Variants in GALNT13 observed in about 807,000 individuals in gnomAD.
The protein encoded by GALNT13 is UDP-GalNAc:polypeptide N-acetylgalactosaminyltransferase 13.
In GALNT13, 28 loss-of-function variants were observed where a neutral mutation model predicts 64.2. The observed-to-expected ratio is 0.44, with a 90% CI of 0.32 to 0.60. The LOEUF is 0.60. Among genes scored for constraint, GALNT13 ranks in the 20% least tolerant of loss-of-function variants. The probability of loss-of-function intolerance (pLI) is 0.05; values close to 1 mark genes in which losing one functional copy is unlikely to be tolerated. For synonymous variants in GALNT13, 214 were observed against 224.6 expected, an observed-to-expected ratio of 0.95 and a Z score of 0.42; for missense variants, 577 against 669.8, an observed-to-expected ratio of 0.86 and a Z score of 1.53.
intron 9 of GALNT13, among the ~76,000 whole-genome samples, chr2:154,347,256 G>T (rs902553302): frequency 6.6e-6 from 1 of 151,944 alleles, no homozygotes; most frequent in Non-Finnish European, 1.5e-5. Context: ...GCTATTGCCC[G>T]TTTATTTGTC....
chr2:153,803,889 G>A, the GALNT13 span, among the ~76,000 whole-genome samples: 326 of 152,120 alleles, frequency 2.1e-3, 1 homozygote, highest in African/African-American at 7.4e-3. Context: ...ATAACTGTGA[G>A]AAATAAATTT....
At chr2:153,932,362 C>T (rs1470574277) in intron 2 of GALNT13, among the ~76,000 whole-genome samples, 8 of 151,524 alleles carry the variant, frequency 5.3e-5, no homozygotes, top group African/African-American at 1.9e-4. Flanking sequence ...TTACTCGTTC[C>T]TTTAGGAGTG....
chr2:154,123,762 A>T (rs1427234397), intron 3 of GALNT13, among the ~76,000 whole-genome samples: 2 of 152,046 alleles, frequency 1.3e-5, no homozygotes, highest in African/African-American at 2.4e-5. Flanking sequence ...GAGGGAAGGG[A>T]ATCAGGCACA....
the GALNT13 span, among the ~76,000 whole-genome samples, chr2:153,115,798 C>A: frequency 6.6e-6 from 1 of 152,092 alleles, no homozygotes; most frequent in Non-Finnish European, 1.5e-5. Context: ...GTAAAAAAAT[C>A]TAAAGATGAC....
chr2:153,629,867 C>A, the GALNT13 span, among the ~76,000 whole-genome samples: 2,600 of 147,974 alleles, frequency 0.018, 84 homozygotes, highest in African/African-American at 0.064. Flanking sequence ...CAAAAAAAGA[C>A]ATTTATGCAG....
At chr2:153,881,159 T>C (rs868639527) in intron 1 of GALNT13, among the ~76,000 whole-genome samples, 3 of 152,312 alleles carry the variant, frequency 2.0e-5, no homozygotes, top group African/African-American at 7.2e-5. Context: ...AGTTGGCAGG[T>C]GGCAGGCCAT....
At chr2:153,581,200 ACT>A in the GALNT13 span, among the ~76,000 whole-genome samples, 1 of 151,780 alleles carries the variant, frequency 6.6e-6, no homozygotes, top group Admixed American at 6.6e-5. Flanking sequence ...GAGGAAAAAG[ACT>A]CTTTCTCTAG....
intron 3 of GALNT13, among the ~76,000 whole-genome samples, chr2:154,031,871 T>C (rs963793947): frequency 6.6e-6 from 1 of 151,736 alleles, no homozygotes; most frequent in African/African-American, 2.4e-5. Flanking sequence ...AGGAAATGAG[T>C]AAGTATAAAG....
intron 4 of GALNT13, among the ~76,000 whole-genome samples, chr2:154,150,262 A>G (rs1683906607): frequency 2.0e-5 from 3 of 152,186 alleles, no homozygotes; most frequent in Admixed American, 2.0e-4. Flanking sequence ...CCAGCCTTGC[A>G]TCCCAGGGAT....
At chr2:153,284,380 C>A in the GALNT13 span, among the ~76,000 whole-genome samples, 1 of 152,158 alleles carries the variant, frequency 6.6e-6, no homozygotes, top group East Asian at 1.9e-4. Flanking sequence ...CTGCCCCACT[C>A]CAGAGCAGGC....
the GALNT13 span, among the ~76,000 whole-genome samples, chr2:153,136,593 CCTGTA>C: frequency 1.3e-5 from 2 of 151,988 alleles, no homozygotes; most frequent in Non-Finnish European, 2.9e-5. Context: ...AGAAATAAAA[CCTGTA>C]CTTCAAAAAG....
At chr2:153,431,585 G>A in the GALNT13 span, among the ~76,000 whole-genome samples, 4 of 152,212 alleles carry the variant, frequency 2.6e-5, no homozygotes, top group African/African-American at 9.6e-5. Flanking sequence ...AGCAAGTGCT[G>A]CTCAACCTCC....
chr2:154,074,375 T>G (rs898141967), intron 3 of GALNT13, among the ~76,000 whole-genome samples: 9 of 151,958 alleles, frequency 5.9e-5, no homozygotes, highest in Admixed American at 4.6e-4. Flanking sequence ...CATTTTCAAG[T>G]GTGAATTACA....
intron 12 of GALNT13, among the ~76,000 whole-genome samples, chr2:154,449,762 C>G (rs1385366931): frequency 1.3e-5 from 2 of 151,744 alleles, no homozygotes; most frequent in Non-Finnish European, 2.9e-5. Context: ...TATGAAGAAA[C>G]TAAAATATAA....
At chr2:153,075,981 T>C in the GALNT13 span, among the ~76,000 whole-genome samples, 6 of 152,200 alleles carry the variant, frequency 3.9e-5, no homozygotes, top group Non-Finnish European at 8.8e-5. Context: ...TAGTATTTCA[T>C]TGTGTGAATA....
chr2:154,174,974 T>G (rs1202570938), intron 4 of GALNT13, among the ~76,000 whole-genome samples: 2 of 152,178 alleles, frequency 1.3e-5, no homozygotes, highest in African/African-American at 4.8e-5. Context: ...AGAGATTTAC[T>G]GAAGTTCTTA....
At chr2:154,254,648 A>G (rs1573962319) in intron 7 of GALNT13, among the ~76,000 whole-genome samples, 1 of 152,210 alleles carries the variant, frequency 6.6e-6, no homozygotes, top group South Asian at 2.1e-4. Flanking sequence ...TTCATTTTAT[A>G]TTAAGAGACT....
chr2:153,080,220 A>AT, the GALNT13 span, among the ~76,000 whole-genome samples: 7 of 151,882 alleles, frequency 4.6e-5, no homozygotes, highest in Non-Finnish European at 8.8e-5. Context: ...TTATTTTCAG[A>AT]TTTTATCTTA....
chr2:153,157,232 GATT>G, the GALNT13 span, among the ~76,000 whole-genome samples: 3 of 152,102 alleles, frequency 2.0e-5, no homozygotes, highest in African/African-American at 7.2e-5. Flanking sequence ...ATCCTTTTGA[GATT>G]ATTATTACAA....
Sources: gnomAD v4.1 joint callset for allele counts (sites outside exome capture counted in the v4.1 genomes callset) on GRCh38, gnomAD v4.1.1 for gene constraint, MANE v1.5 for transcripts, NCBI Gene and HGNC (gene_info 2026-07-23, HGNC 2026-07-21) for gene names.